CDH12: variants seen among roughly 807,000 people sequenced by gnomAD.
The protein encoded by CDH12 is cadherin-12.
Under a neutral mutation model 74.1 loss-of-function variants are expected in CDH12, and 41 were observed. The ratio of observed to expected loss-of-function variants is 0.55; its 90% CI spans 0.43 to 0.72. The LOEUF (loss-of-function observed/expected upper bound fraction) is 0.72, where lower values mean the gene tolerates loss of function less well. CDH12 is among the 30% of genes least tolerant of loss of function. CDH12 has a pLI of 0.00. For missense variants in CDH12, 945 were observed against 977.2 expected (o/e 0.97, Z 0.44); for synonymous variants, 399 against 355.0 (o/e 1.12, Z -1.39).
At position 21,917,328 on chromosome 5, in the gene CDH12, T is replaced by C. The variant is rs564543017; in HGVS notation, c.526+57763A>G. Among the ~76,000 whole-genome samples, 9 of 152,262 alleles carry C rather than the reference T, an allele frequency of 5.9e-5. No homozygotes were observed. The East Asian group carries it at 1.7e-3, about 29-fold the overall frequency. On this transcript the variant is annotated intron_variant, in intron 6 of 14. Coordinates refer to ENST00000382254, the MANE Select transcript of CDH12 (RefSeq NM_004061.5). ...CCCCATGCCCAGAACTGGGATGTCA[T>C]GTTTAGGGTGTGGACGGGGCATCTT...
At chr5:22,646,548 TC>T (rs1359627655) in intron 1 of CDH12, among the ~76,000 whole-genome samples, 1 of 151,890 alleles carries the variant, frequency 6.6e-6, no homozygotes, top group Non-Finnish European at 1.5e-5. Context: ...AAAAAGTATG[TC>T]CCAAACATAA....
At chr5:22,286,244 T>C (rs1263161747) in intron 3 of CDH12, among the ~76,000 whole-genome samples, 1 of 152,122 alleles carries the variant, frequency 6.6e-6, no homozygotes, top group Non-Finnish European at 1.5e-5. Context: ...TAAAGGCAAG[T>C]CACACAAAGC....
intron 3 of CDH12, among the ~76,000 whole-genome samples, chr5:22,389,290 T>G (rs982575116): frequency 1.3e-5 from 2 of 152,184 alleles, no homozygotes; most frequent in African/African-American, 4.8e-5. Context: ...CCACCTTTTC[T>G]TCATTTCATT....
chr5:22,706,928 A>C (rs1298767900), intron 1 of CDH12, among the ~76,000 whole-genome samples: 1 of 152,184 alleles, frequency 6.6e-6, no homozygotes, highest in East Asian at 1.9e-4. Context: ...CTTCCTAAGA[A>C]AATAAATTTA....
chr5:22,743,276 A>ATATATATATATGTATATATATG (rs1745122887), intron 1 of CDH12, among the ~76,000 whole-genome samples: 1 of 146,464 alleles, frequency 6.8e-6, no homozygotes, highest in Admixed American at 6.9e-5. Context: ...ATATATATAT[A>ATATATATATATGTATATATATG]TATATGTATA....
chr5:22,560,508 A>G (rs886173440), intron 1 of CDH12, among the ~76,000 whole-genome samples: 1 of 152,188 alleles, frequency 6.6e-6, no homozygotes, highest in African/African-American at 2.4e-5. Flanking sequence ...CCTACTCACC[A>G]TAAAATTAAC....
At chr5:22,384,876 G>A (rs1041269085) in intron 3 of CDH12, among the ~76,000 whole-genome samples, 3 of 152,094 alleles carry the variant, frequency 2.0e-5, no homozygotes, top group South Asian at 4.1e-4. Context: ...CCTTGGGTCC[G>A]ATTTCTAATG....
At chr5:22,429,102 C>CTATTTTATTTTATTTTATTT (rs546752099) in intron 2 of CDH12, among the ~76,000 whole-genome samples, 86 of 144,874 alleles carry the variant, frequency 5.9e-4, no homozygotes, top group African/African-American at 2.2e-3. Context: ...CACTTTTATT[C>CTATTTTATTTTATTTTATTT]TATTTTATTT....
chr5:22,373,943 C>CA (rs1488032877), intron 3 of CDH12, among the ~76,000 whole-genome samples: 7 of 151,966 alleles, frequency 4.6e-5, no homozygotes, highest in East Asian at 1.9e-4. Flanking sequence ...CAGATTCAAA[C>CA]AAAAAATGTT....
In CDH12 at chr5:22,379,166, C is replaced by T. The variant is rs985661010; in HGVS notation, c.-333+26091G>A. Among the ~76,000 whole-genome samples, 9 of 152,032 alleles carry T rather than the reference C, an allele frequency of 5.9e-5. No homozygotes were observed. The East Asian group carries it at 1.7e-3, about 29-fold the overall frequency. On this transcript the variant is annotated intron_variant, in intron 3 of 14. Coordinates refer to ENST00000382254, the MANE Select transcript of CDH12 (RefSeq NM_004061.5). ...CAGTCCTGGGAAAATATATAAACTA[C>T]TTTTCTGCATTTTAAGAAACAAAAC...
At chr5:22,321,250 T>C (rs976755738) in intron 3 of CDH12, among the ~76,000 whole-genome samples, 2 of 150,930 alleles carry the variant, frequency 1.3e-5, no homozygotes, top group South Asian at 4.2e-4. Context: ...AACCCAAATG[T>C]CCAACAATGA....
intron 10 of CDH12, among the ~76,000 whole-genome samples, chr5:21,789,497 GA>G (rs1412424356): frequency 2.0e-5 from 3 of 152,076 alleles, no homozygotes; most frequent in Non-Finnish European, 4.4e-5. Flanking sequence ...ATTTTCCAGA[GA>G]CTGTAAATGA....
intron 4 of CDH12, among the ~76,000 whole-genome samples, chr5:22,094,268 A>C (rs1743611799): frequency 6.6e-6 from 1 of 152,160 alleles, no homozygotes; most frequent in Admixed American, 6.6e-5. Context: ...CTTGGAACCA[A>C]CTTAAGAGGT....
intron 3 of CDH12, among the ~76,000 whole-genome samples, chr5:22,247,986 G>T (rs1753012808): frequency 6.6e-6 from 1 of 152,060 alleles, no homozygotes; most frequent in African/African-American, 2.4e-5. Context: ...CTTTTGTAAG[G>T]CAGGCCGTTT....
intron 3 of CDH12, among the ~76,000 whole-genome samples, chr5:22,343,784 A>G (rs1453945325): frequency 4.6e-5 from 7 of 152,192 alleles, no homozygotes; most frequent in African/African-American, 1.7e-4. Context: ...AATATTTTTT[A>G]AGCACACTGT....
At chr5:22,554,714 G>C (rs1172117425) in intron 1 of CDH12, among the ~76,000 whole-genome samples, 1 of 151,934 alleles carries the variant, frequency 6.6e-6, no homozygotes, top group Non-Finnish European at 1.5e-5. Flanking sequence ...ATATCTGCTA[G>C]CATAAAGTGA....
chr5:22,077,794 A>G (rs187359688), intron 5 of CDH12, among the ~76,000 whole-genome samples: 14 of 152,290 alleles, frequency 9.2e-5, no homozygotes, highest in African/African-American at 3.4e-4. Context: ...AAGTTGCAAT[A>G]AGATATTTAA....
intron 5 of CDH12, among the ~76,000 whole-genome samples, chr5:22,073,926 C>A (rs556259907): frequency 3.9e-5 from 6 of 152,198 alleles, no homozygotes; most frequent in Non-Finnish European, 8.8e-5. Context: ...ATGATTTCCA[C>A]ATACGCTCTT....
At chr5:22,569,988 G>A (rs1203195281) in intron 1 of CDH12, among the ~76,000 whole-genome samples, 1 of 151,880 alleles carries the variant, frequency 6.6e-6, no homozygotes, top group Non-Finnish European at 1.5e-5. Context: ...TCCATCATAG[G>A]GATTAGTATC....
Sources: allele counts gnomAD v4.1 joint callset (sites outside exome capture counted in the v4.1 genomes callset), GRCh38; gene constraint gnomAD v4.1.1; transcripts MANE v1.5; gene names NCBI Gene and HGNC (gene_info 2026-07-23, HGNC 2026-07-21).